The following PKP2 variants were observed in gnomAD, a reference collection of about 807,000 sequenced individuals.
PKP2 encodes plakophilin-2.
A neutral mutation model predicts 83.4 loss-of-function variants in PKP2; 73 were observed. The ratio of observed to expected loss-of-function variants is 0.88; its 90% CI spans 0.72 to 1.06. The LOEUF is 1.06. Among genes scored for constraint, PKP2 ranks in the 50% least tolerant of loss-of-function variants. The pLI is 0.00. For missense variants in PKP2, 966 were observed against 1,065.4 expected (o/e 0.91, Z 1.30); for synonymous variants, 409 against 430.4 (o/e 0.95, Z 0.62).
intron 1 of PKP2, among the ~76,000 whole-genome samples, chr12:32,880,076 G>A (rs1956971768): frequency 6.6e-6 from 1 of 150,844 alleles, no homozygotes; most frequent in Non-Finnish European, 1.5e-5. Context: ...ATATAATGGT[G>A]ACTCAGCACT....
intron 6 of PKP2, among the ~76,000 whole-genome samples, chr12:32,829,348 C>T (rs967671987): frequency 2.0e-5 from 3 of 150,522 alleles, no homozygotes; most frequent in African/African-American, 4.9e-5. Flanking sequence ...TTAACCTCCT[C>T]GGCTCAAGGG....
chr12:32,816,840 T>C (rs1956324690), intron 9 of PKP2, among the ~76,000 whole-genome samples: 1 of 152,190 alleles, frequency 6.6e-6, no homozygotes, highest in African/African-American at 2.4e-5. Flanking sequence ...TGATGATTAG[T>C]GATGATGAGC....
At chr12:32,868,799 G>A (rs905344240) in intron 4 of PKP2, 128 bp downstream of exon 4, 46 of 1,040,672 alleles carry the variant, frequency 4.4e-5, no homozygotes, top group Non-Finnish European at 6.8e-5. Context: ...TGGGAATATA[G>A]GCGTGAACCA....
chr12:32,860,073 G>A (rs190642381), intron 4 of PKP2, among the ~76,000 whole-genome samples: 5 of 152,302 alleles, frequency 3.3e-5, no homozygotes, highest in Admixed American at 2.6e-4. Context: ...AACTGAAAAT[G>A]AGTAAATGAT....
At chr12:32,883,865 C>T (rs1051204696) in intron 1 of PKP2, among the ~76,000 whole-genome samples, 5 of 152,158 alleles carry the variant, frequency 3.3e-5, no homozygotes, top group African/African-American at 4.8e-5. Flanking sequence ...GGTTTCAGGA[C>T]GTGTCATCCC....
chr12:32,817,774 G>C (rs1321005133), intron 9 of PKP2, among the ~76,000 whole-genome samples: 1 of 151,998 alleles, frequency 6.6e-6, no homozygotes, highest in Non-Finnish European at 1.5e-5. Flanking sequence ...TTTATTTTTG[G>C]GTAAGGTATG....
chr12:32,878,866 A>G, intron 2 of PKP2, 54 bp downstream of exon 2: 1 of 969,582 alleles, frequency 1.0e-6, no homozygotes, highest in South Asian at 1.3e-5. Context: ...GAAGTTTGAA[A>G]ATATTTTCAT....
intron 1 of PKP2, among the ~76,000 whole-genome samples, chr12:32,895,391 G>C (rs1009519083): frequency 3.3e-5 from 5 of 152,120 alleles, no homozygotes; most frequent in African/African-American, 1.2e-4. Context: ...TGAAATCTCT[G>C]GTCTGGCCTG....
rs780349259 is a variant in PKP2 at position 32,841,127 on chromosome 12, T to A, written c.1457A>T (p.Asn486Ile). 43 of 1,613,264 alleles carry A rather than the reference T, an allele frequency of 2.7e-5. No individual in the cohort carries two copies. Among genetic ancestry groups the A allele is most frequent in the Non-Finnish European group, 2.1e-5 (25 of 1,179,330 alleles). Residue 486 changes from asparagine to isoleucine, a missense_variant, in exon 6 of 13, where the codon AAT (asparagine) becomes ATT (isoleucine). Asn to Ile is a moderately radical substitution (Grantham distance 149). Coordinates refer to ENST00000340811, the MANE Select transcript of PKP2 (RefSeq NM_001005242.3). The stretch of plus-strand genomic sequence containing the variant: ...CCACCCAGAAAAGGGGATGATGATA[T>A]TCTCCGTCAGCGTAAGCAATGCTTC... ...ITEALLTLTE[N>I]IIIPFSGWPE...
intron 6 of PKP2, among the ~76,000 whole-genome samples, chr12:32,834,983 G>A (rs1253737776): frequency 2.8e-5 from 4 of 144,456 alleles, no homozygotes; most frequent in African/African-American, 1.0e-4. Context: ...AGGCGTGTGT[G>A]TGTGTGTGTG....
intron 9 of PKP2, among the ~76,000 whole-genome samples, chr12:32,814,837 A>T (rs751843686): frequency 7.2e-5 from 11 of 151,956 alleles, no homozygotes; most frequent in Non-Finnish European, 1.0e-4. Context: ...AGGTAGGAGA[A>T]TCACTTGAAC....
Position 32,821,449 on chromosome 12 carries a change from C to A in PKP2, c.1920G>T (p.Arg640Ser), listed in dbSNP as rs760660042. 1.9e-6 allele frequency: 3 copies of A among 1,613,924 alleles called. No individual in the cohort carries two copies. Among genetic ancestry groups the A allele is most frequent in the Non-Finnish European group, 2.5e-6 (3 of 1,179,996 alleles). Reference sequence around the variant, plus strand: ...TTTTGGCGATCAAGGACAGATACATCCTTATAACAATGGAATGCCACAGCC... The same window carrying A: ...TTTTGGCGATCAAGGACAGATACATACTTATAACAATGGAATGCCACAGCC... ...VEWLWHSIVI[R>S]MYLSLIAKSV... Residue 640 changes from arginine to serine, a missense_variant, in exon 9 of 13, where the codon AGG (arginine) becomes AGT (serine). Coordinates refer to ENST00000340811, the MANE Select transcript of PKP2 (RefSeq NM_001005242.3).
intron 6 of PKP2, among the ~76,000 whole-genome samples, chr12:32,825,232 G>A (rs1249104925): frequency 2.8e-5 from 4 of 141,010 alleles, no homozygotes; most frequent in East Asian, 4.5e-4. Flanking sequence ...GCAGTGGCGC[G>A]ATCTCGGCTC....
At chr12:32,891,879 T>C (rs931826395) in intron 1 of PKP2, among the ~76,000 whole-genome samples, 2 of 152,210 alleles carry the variant, frequency 1.3e-5, no homozygotes, top group Admixed American at 1.3e-4. Context: ...AAGTTTTTTT[T>C]GTTGTTGTTG....
intron 5 of PKP2, 78 bp from the exon 6 acceptor site, chr12:32,841,283 T>C (rs1956589471): frequency 1.7e-6 from 2 of 1,201,290 alleles, no homozygotes; most frequent in African/African-American, 1.5e-5. Flanking sequence ...GTCAAGGCCA[T>C]CAACTCCAGG....
intron 6 of PKP2, among the ~76,000 whole-genome samples, chr12:32,832,192 C>T (rs1956506075): frequency 6.6e-6 from 1 of 151,982 alleles, no homozygotes; most frequent in African/African-American, 2.4e-5. Context: ...TCCTGGCCAA[C>T]ATGGTGAAAC....
At chr12:32,840,997 T>C in intron 6 of PKP2, 31 bp downstream of exon 6, 1 of 1,578,378 alleles carries the variant, frequency 6.3e-7, no homozygotes, top group Non-Finnish European at 8.7e-7. Context: ...TTATTGCATC[T>C]TCTATCAGGG....
chr12:32,822,888 T>C (rs887720882), intron 7 of PKP2, among the ~76,000 whole-genome samples: 6 of 152,060 alleles, frequency 3.9e-5, no homozygotes, highest in African/African-American at 1.4e-4. Flanking sequence ...CCAGAACAAC[T>C]GTATAGCTTA....
rs397517016 is a variant in PKP2, at chr12:32,821,372, G to A, written c.1997C>T (p.Thr666Met). Residue 666 changes from threonine to methionine, a missense_variant, in exon 9 of 13, where the codon ACG becomes ATG. Thr to Met is a moderately conservative substitution (Grantham distance 81, BLOSUM62 -1). Transcript: ENST00000340811. ...AATACTCACTGGTCCACTTCCGGCC[G>A]TGAGGTTCTGCAGAGCTCCTAAGGA... ...EASLGALQNL[T>M]AGSGPMPTSV... The A allele has an allele frequency of 2.7e-5, 43 of 1,614,052 alleles. No homozygotes were observed. Among genetic ancestry groups the A allele is most frequent in the Admixed American group, 2.5e-4 (15 of 60,014 alleles).
Sources: gnomAD v4.1 joint callset for allele counts (sites outside exome capture counted in the v4.1 genomes callset) on GRCh38, gnomAD v4.1.1 for gene constraint, MANE v1.5 for transcripts, NCBI Gene and HGNC (gene_info 2026-07-23, HGNC 2026-07-21) for gene names.